USP38: variants seen among roughly 807,000 people sequenced by gnomAD.
USP38 encodes ubiquitin carboxyl-terminal hydrolase 38.
A neutral mutation model predicts 94.3 loss-of-function variants in USP38; 49 were observed. The ratio of observed to expected loss-of-function variants is 0.52; its 90% CI spans 0.41 to 0.66. USP38 has a LOEUF of 0.66. Among genes scored for constraint, USP38 ranks in the 30% least tolerant of loss-of-function variants. USP38 has a pLI of 0.00. For missense variants in USP38, 1,128 were observed against 1,229.4 expected (o/e 0.92, Z 1.23); for synonymous variants, 468 against 463.6 (o/e 1.01, Z -0.12).
chr4:143,197,190 G>A (rs560673259), intron 3 of USP38, among the ~76,000 whole-genome samples: 8 of 152,294 alleles, frequency 5.3e-5, no homozygotes, highest in South Asian at 2.1e-4. Flanking sequence ...TTGCAATGCC[G>A]TTTGCCCTGC....
intron 2 of USP38, 39 bp downstream of exon 2, chr4:143,188,000 TG>T: frequency 6.4e-7 from 1 of 1,566,038 alleles, no homozygotes; most frequent in Non-Finnish European, 8.6e-7. Context: ...ATTGTAGATT[TG>T]GGGAAGAGGA....
In USP38 at chr4:143,221,783, T is replaced by G. The variant is rs980096083; in HGVS notation, c.*1327T>G. The G allele has an allele frequency of 1.2e-4, 19 of 152,240 alleles. No individual in the cohort carries two copies. In the East Asian group the frequency reaches 3.7e-3, roughly 29 times the overall value. 9.4% of individuals were successfully genotyped at this position (152,240 alleles called of 1,614,324 possible). A position where few individuals can be genotyped will look rare whatever the true frequency, so the allele number is the denominator to read the frequency against. ...TTGAAAACACTTTAAGGAAACAATG[T>G]TCTTCGATGATTTGGGGTTTATCTT... On this transcript the variant is annotated 3_prime_UTR_variant, in exon 10 of 10. Coordinates refer to ENST00000307017, the MANE Select transcript of USP38 (RefSeq NM_032557.6).
intron 9 of USP38, among the ~76,000 whole-genome samples, chr4:143,217,133 A>G (rs1732207093): frequency 6.6e-6 from 1 of 152,128 alleles, no homozygotes; most frequent in Non-Finnish European, 1.5e-5. Context: ...AAATACAGTG[A>G]TTAATAAAGG....
chr4:143,187,615 A>G (rs1019135715), intron 1 of USP38, among the ~76,000 whole-genome samples: 4 of 152,230 alleles, frequency 2.6e-5, no homozygotes, highest in African/African-American at 9.6e-5. Context: ...TGTCTATAGT[A>G]TGAGTGATCA....
intron 8 of USP38, among the ~76,000 whole-genome samples, chr4:143,213,183 T>G (rs1266380115): frequency 2.0e-5 from 3 of 152,150 alleles, no homozygotes; most frequent in Non-Finnish European, 4.4e-5. Flanking sequence ...CTCTGTGGAA[T>G]GACTAGTAAA....
chr4:143,191,712 T>C (rs1731401454), intron 2 of USP38, among the ~76,000 whole-genome samples: 1 of 152,264 alleles, frequency 6.6e-6, no homozygotes, highest in Non-Finnish European at 1.5e-5. Context: ...AATCCAAAGA[T>C]ATATGAGAGA....
intron 2 of USP38, among the ~76,000 whole-genome samples, chr4:143,194,935 T>C (rs1489674640): frequency 1.3e-5 from 2 of 152,118 alleles, no homozygotes; most frequent in African/African-American, 4.8e-5. Context: ...TTTAATGAGT[T>C]TTCTTTCAAG....
At chr4:143,218,192 T>A (rs1732232692) in intron 9 of USP38, among the ~76,000 whole-genome samples, 1 of 152,098 alleles carries the variant, frequency 6.6e-6, no homozygotes, top group African/African-American at 2.4e-5. Flanking sequence ...CAGAAGAGTA[T>A]ATTCAATATA....
In USP38 at chr4:143,221,562, G is replaced by A. The variant is rs1284455666; in HGVS notation, c.*1106G>A. The A allele has an allele frequency of 2.0e-5, 3 of 152,106 alleles. No homozygotes were observed. Among genetic ancestry groups the A allele is most frequent in the East Asian group, 1.9e-4 (1 of 5,168 alleles). 9.4% of individuals were successfully genotyped at this position (152,106 alleles called of 1,614,324 possible). A position where few individuals can be genotyped will look rare whatever the true frequency, so the allele number is the denominator to read the frequency against. On this transcript the variant is annotated 3_prime_UTR_variant, in exon 10 of 10. Coordinates refer to ENST00000307017, the MANE Select transcript of USP38 (RefSeq NM_032557.6). Reference sequence around the variant, plus strand: ...GTTTGGCACTGTTGTTTCTATTTTCGTAGTTTTAGATAAAATGTTAAAATG... The same window carrying A: ...GTTTGGCACTGTTGTTTCTATTTTCATAGTTTTAGATAAAATGTTAAAATG...
In USP38 at chr4:143,185,379, T is replaced by G; in HGVS notation, c.-72T>G. 2 of 1,479,540 alleles carry G rather than the reference T, an allele frequency of 1.4e-6. No homozygotes were observed. The highest frequency in any genetic ancestry group is 2.7e-5 in the South Asian group (2 of 73,642). 91.7% of individuals were successfully genotyped at this position (1,479,540 alleles called of 1,614,324 possible). A position where few individuals can be genotyped will look rare whatever the true frequency, so the allele number is the denominator to read the frequency against. On this transcript the variant is annotated 5_prime_UTR_variant, in exon 1 of 10. Coordinates refer to ENST00000307017, the MANE Select transcript of USP38 (RefSeq NM_032557.6). ...TCCAAGTTCATCTCCGCCCCGGGGCTCTCCTGCCCCACCTCGGGGCTGCCG... is the reference window on the plus strand; with the variant it reads ...TCCAAGTTCATCTCCGCCCCGGGGCGCTCCTGCCCCACCTCGGGGCTGCCG...
chr4:143,215,025 A>G, intron 9 of USP38, 82 bp downstream of exon 9: 1 of 1,353,306 alleles, frequency 7.4e-7, no homozygotes, highest in Non-Finnish European at 1.0e-6. Context: ...TTTGAAATCT[A>G]ACATGAGTTT....
chr4:143,186,494 A>G (rs1197447910), intron 1 of USP38, among the ~76,000 whole-genome samples: 2 of 152,224 alleles, frequency 1.3e-5, no homozygotes, highest in Admixed American at 6.5e-5. Flanking sequence ...TGTTTACCAT[A>G]GTATTTATTG....
chr4:143,190,335 T>C (rs1731360761), intron 2 of USP38, among the ~76,000 whole-genome samples: 1 of 152,070 alleles, frequency 6.6e-6, no homozygotes, highest in Non-Finnish European at 1.5e-5. Context: ...GGTACTGTTA[T>C]TGGCCCCATC....
rs1490226367 is a variant in USP38, at chr4:143,213,713, TGACGGTGAGAA to T, written c.1741_1751del (p.Gly581PhefsTer77). ...TACTAACAGAGACCCCTCGTACAAG[TGACGGTGAGAA>T]GACTTTAATAGAAAAAATGTTTGGA... is the stretch of plus-strand genomic sequence containing the variant. On this transcript the variant is annotated frameshift_variant, in exon 9 of 10. Coordinates refer to ENST00000307017, the MANE Select transcript of USP38 (RefSeq NM_032557.6). LOFTEE classifies it high-confidence loss of function. 1 of 1,613,612 alleles carries T rather than the reference TGACGGTGAGAA, an allele frequency of 6.2e-7. No homozygotes were observed. Among genetic ancestry groups the T allele is most frequent in the East Asian group, 2.2e-5 (1 of 44,846 alleles).
intron 9 of USP38, 140 bp downstream of exon 9, chr4:143,215,083 A>G: frequency 1.2e-6 from 1 of 836,720 alleles, no homozygotes; most frequent in Non-Finnish European, 1.8e-6. Context: ...AGTATTCTCA[A>G]CCTGTATAAC....
At chr4:143,219,634 A>G (rs1362742606) in intron 9 of USP38, among the ~76,000 whole-genome samples, 1 of 152,124 alleles carries the variant, frequency 6.6e-6, no homozygotes, top group Non-Finnish European at 1.5e-5. Context: ...AATATTTTGC[A>G]TATTTTTCCA....
At chr4:143,206,343 T>C in intron 6 of USP38, 117 bp downstream of exon 6, 1 of 859,102 alleles carries the variant, frequency 1.2e-6, no homozygotes, top group African/African-American at 1.7e-5. Flanking sequence ...AATGTTAACT[T>C]TGATTGCCTT....
intron 4 of USP38, among the ~76,000 whole-genome samples, chr4:143,199,717 A>G (rs1252372435): frequency 1.3e-5 from 2 of 151,916 alleles, no homozygotes; most frequent in African/African-American, 2.4e-5. Flanking sequence ...TTTGATTTGC[A>G]TTTCTCTGCT....
At chr4:143,198,168 G>T (rs1239537709) in intron 4 of USP38, among the ~76,000 whole-genome samples, 3 of 152,122 alleles carry the variant, frequency 2.0e-5, no homozygotes, top group South Asian at 2.1e-4. Context: ...CTGTTCACAT[G>T]GGAGATGTCA....
Sources: gnomAD v4.1 joint callset for allele counts (sites outside exome capture counted in the v4.1 genomes callset) on GRCh38, gnomAD v4.1.1 for gene constraint, MANE v1.5 for transcripts, NCBI Gene and HGNC (gene_info 2026-07-23, HGNC 2026-07-21) for gene names.